Variants in CRIM1 observed in about 807,000 individuals in gnomAD.
CRIM1 encodes the protein cysteine rich transmembrane BMP regulator 1.
A neutral mutation model predicts 116.4 loss-of-function variants in CRIM1; 32 were observed. The ratio of observed to expected loss-of-function variants is 0.27; its 90% CI spans 0.21 to 0.37. CRIM1 has a LOEUF of 0.37. CRIM1 is among the 10% of genes least tolerant of loss of function. The pLI is 1.00. For missense variants in CRIM1, 1,331 were observed against 1,354.8 expected, an observed-to-expected ratio of 0.98 and a Z score of 0.28; for synonymous variants, 590 against 509.2, an observed-to-expected ratio of 1.16 and a Z score of -2.13.
At chr2:36,405,158 T>C (rs911677368) in intron 2 of CRIM1, among the ~76,000 whole-genome samples, 3 of 152,192 alleles carry the variant, frequency 2.0e-5, no homozygotes, top group African/African-American at 7.2e-5. Context: ...ATAACTTTTT[T>C]TCTCAAAAGC....
intron 13 of CRIM1, among the ~76,000 whole-genome samples, chr2:36,531,382 CGTTTTTG>C (rs1666104018): frequency 6.6e-6 from 1 of 150,512 alleles, no homozygotes; most frequent in South Asian, 2.1e-4. Flanking sequence ...TCTGGAGATG[CGTTTTTG>C]GTTTTTGGTT....
chr2:36,485,242 A>G (rs1420689448), intron 7 of CRIM1, among the ~76,000 whole-genome samples: 1 of 152,168 alleles, frequency 6.6e-6, no homozygotes, highest in East Asian at 1.9e-4. Context: ...TCTTCCTGCC[A>G]CCTGGCTTTC....
rs377482760 is a variant in CRIM1 at position 36,539,762 on chromosome 2, GACT to G, written c.2623+2219_2623+2221del. 1.4e-3 allele frequency among the ~76,000 whole-genome samples: 206 copies of G among 152,274 alleles called. 1 individual carries two copies. Among genetic ancestry groups the G allele is most frequent in the African/African-American group, 4.8e-3 (199 of 41,550 alleles). ...AGTGAGTGGAAGAGGAGCCAAGGAT[GACT>G]ACGACATTTTGGTTTGGGGCATTTT... On this transcript the variant is annotated intron_variant, in intron 14 of 16. Coordinates refer to ENST00000280527, the MANE Select transcript of CRIM1 (RefSeq NM_016441.3).
chr2:36,473,321 C>T (rs1465321435), intron 5 of CRIM1, among the ~76,000 whole-genome samples: 1 of 152,174 alleles, frequency 6.6e-6, no homozygotes, highest in African/African-American at 2.4e-5. Flanking sequence ...CTCATCACCT[C>T]AGGAGAACTT....
rs1309799623 is a variant in CRIM1 at position 36,509,993 on chromosome 2, A to G, written c.1512A>G (p.Leu504=). ...RTCQCINTEE[L]CSERKQGCTL... ...TCTGTGTCTTCACAGCCGAGGAACTATGTTCAGAACGTAAACAAGGCTGCA... is the reference window on the plus strand; with the variant it reads ...TCTGTGTCTTCACAGCCGAGGAACTGTGTTCAGAACGTAAACAAGGCTGCA... The change falls in exon 9 of 17, where the codon CTA becomes CTG. Residue 504 remains leucine, a synonymous_variant. Coordinates refer to ENST00000280527, the MANE Select transcript of CRIM1 (RefSeq NM_016441.3). 2 of 1,613,772 alleles carry G rather than the reference A, an allele frequency of 1.2e-6. No individual in the cohort carries two copies. The highest frequency in any genetic ancestry group is 1.7e-6 in the Non-Finnish European group (2 of 1,179,930).
chr2:36,442,583 A>G (rs372674917), intron 3 of CRIM1, 32 bp from the exon 4 acceptor site: 60 of 1,613,858 alleles, frequency 3.7e-5, no homozygotes, highest in Non-Finnish European at 4.5e-5. Context: ...AAATATAACA[A>G]TAAACGGTGC....
intron 13 of CRIM1, among the ~76,000 whole-genome samples, chr2:36,528,803 A>G (rs1665926043): frequency 6.6e-6 from 1 of 152,228 alleles, no homozygotes; most frequent in Non-Finnish European, 1.5e-5. Flanking sequence ...GTCGTGCACC[A>G]TGCTAACTTT....
At chr2:36,442,247 C>A (rs371495818) in intron 3 of CRIM1, among the ~76,000 whole-genome samples, 1 of 143,114 alleles carries the variant, frequency 7.0e-6, no homozygotes, top group Non-Finnish European at 1.5e-5. Context: ...TTCTTTCTTT[C>A]TTTTTTTTTT....
In CRIM1 at chr2:36,356,429, A is replaced by G. The variant is rs1236733596; in HGVS notation, c.137A>G (p.Glu46Gly). ...VCLPCDESKC[E>G]EPRNCPGSIV... Reference sequence around the variant, plus strand: ...CTGCCCTGTGACGAGTCCAAGTGCGAGGAGCCCAGGAACTGCCCGGGGAGC... The same window carrying G: ...CTGCCCTGTGACGAGTCCAAGTGCGGGGAGCCCAGGAACTGCCCGGGGAGC... Residue 46 changes from glutamate (E) to glycine (G), a missense_variant, in exon 1 of 17, where the codon GAG (glutamate) becomes GGG (glycine). By Grantham distance (98) the Glu-to-Gly change is moderately conservative (BLOSUM62 -2). Around this residue, in one of 3 missense-constraint regions of CRIM1, gnomAD observed 690 missense variants for 676.0 expected, o/e 1.02. Coordinates refer to ENST00000280527, the MANE Select transcript of CRIM1 (RefSeq NM_016441.3). This position sits in a 1 kb window ranked among gnomAD's most constrained non-coding sequence, Gnocchi z 4.3. 6.2e-7 allele frequency: 1 copy of G among 1,611,238 alleles called. No individual in the cohort carries two copies. Among genetic ancestry groups the G allele is most frequent in the Non-Finnish European group, 8.5e-7 (1 of 1,179,602 alleles).
At chr2:36,548,486 C>G (rs1460610839) in intron 16 of CRIM1, 39 bp from the exon 17 acceptor site, 1 of 1,479,826 alleles carries the variant, frequency 6.8e-7, no homozygotes, top group Non-Finnish European at 9.1e-7. Context: ...TGTAAAGCAA[C>G]TAATTTTTTG....
At chr2:36,382,939 A>G (rs1366827717) in intron 1 of CRIM1, among the ~76,000 whole-genome samples, 1 of 152,172 alleles carries the variant, frequency 6.6e-6, no homozygotes, top group Non-Finnish European at 1.5e-5. Context: ...TGCATTTGGT[A>G]TTTCCTTTTA....
rs1490016505 is a variant in CRIM1, at chr2:36,396,119, A to G, written c.332-495A>G. Among the ~76,000 whole-genome samples, 4 of 152,092 alleles carry G rather than the reference A, an allele frequency of 2.6e-5. No individual in the cohort carries two copies. In the East Asian group the frequency reaches 5.8e-4, roughly 22 times the overall value. On this transcript the variant is annotated intron_variant, in intron 1 of 16. Transcript: ENST00000280527. ...GAGACTGGGTCTCACTGTGTTGCCCAGGCTGGTCATGAACTCCTGGGCTCA... is the reference window on the plus strand; with the variant it reads ...GAGACTGGGTCTCACTGTGTTGCCCGGGCTGGTCATGAACTCCTGGGCTCA...
intron 4 of CRIM1, among the ~76,000 whole-genome samples, chr2:36,455,578 G>T (rs1337466512): frequency 1.3e-5 from 2 of 152,200 alleles, no homozygotes; most frequent in African/African-American, 4.8e-5. Flanking sequence ...AGGAGACAGA[G>T]TCACCGGAAG....
rs576230116 is a variant in CRIM1, at chr2:36,403,771, G to T, written c.505+6984G>T. On this transcript the variant is annotated intron_variant, in intron 2 of 16. Coordinates refer to ENST00000280527, the MANE Select transcript of CRIM1 (RefSeq NM_016441.3). ...ATATTGTGGTGTCATTTATTAGAATGTGAAATACAAGGAGAGCAGCTTTGT... is the reference window on the plus strand; with the variant it reads ...ATATTGTGGTGTCATTTATTAGAATTTGAAATACAAGGAGAGCAGCTTTGT... 1.2e-4 allele frequency among the ~76,000 whole-genome samples: 19 copies of T among 152,248 alleles called. No homozygotes were observed. In the South Asian group the frequency reaches 4.0e-3, roughly 32 times the overall value.
chr2:36,542,654 G>C lies in CRIM1; in HGVS notation c.2624-1722G>C, dbSNP rs544740817. ...AGGCCTCAGAAACCAGTGGCAGTTC[G>C]GCCCCTATTGTCATAGGAAGGCTCA... On this transcript the variant is annotated intron_variant, in intron 14 of 16. Coordinates refer to ENST00000280527, the MANE Select transcript of CRIM1 (RefSeq NM_016441.3). Among the ~76,000 whole-genome samples the C allele has an allele frequency of 3.8e-4, 58 of 152,240 alleles. 1 individual carries two copies. Among genetic ancestry groups the C allele is most frequent in the African/African-American group, 1.4e-3 (57 of 41,526 alleles).
chr2:36,492,587 T>G (rs2125071681), intron 7 of CRIM1, among the ~76,000 whole-genome samples: 1 of 152,288 alleles, frequency 6.6e-6, no homozygotes, highest in Non-Finnish European at 1.5e-5. Flanking sequence ...GACAATTTAG[T>G]GATTTATTTG....
At chr2:36,537,724 C>A (rs138965746) in intron 14 of CRIM1, among the ~76,000 whole-genome samples, 178 bp downstream of exon 14, 34 of 152,366 alleles carry the variant, frequency 2.2e-4, no homozygotes, top group African/African-American at 7.2e-4. Context: ...ATGACCATCC[C>A]GATGAGGGGC....
chr2:36,408,226 A>G (rs1165731001), intron 2 of CRIM1, among the ~76,000 whole-genome samples: 1 of 152,220 alleles, frequency 6.6e-6, no homozygotes, highest in Non-Finnish European at 1.5e-5. Context: ...CTAAAACTTC[A>G]CCAACCCAGG....
At chr2:36,503,225 C>T (rs1681127903) in intron 8 of CRIM1, among the ~76,000 whole-genome samples, 1 of 152,144 alleles carries the variant, frequency 6.6e-6, no homozygotes, top group South Asian at 2.1e-4. Flanking sequence ...TTTTGTGTTG[C>T]ACAGAAGCTG....
Sources: allele counts gnomAD v4.1 joint callset (sites outside exome capture counted in the v4.1 genomes callset), GRCh38; gene constraint gnomAD v4.1.1; regional missense constraint gnomAD v4.1.1; non-coding constraint Gnocchi (gnomAD v3.1); transcripts MANE v1.5; gene names NCBI Gene and HGNC (gene_info 2026-07-23, HGNC 2026-07-21).